ITGA6: variants seen among roughly 807,000 people sequenced by gnomAD.
ITGA6 encodes integrin subunit alpha 6.
Under a neutral mutation model 133.6 loss-of-function variants are expected in ITGA6, and 63 were observed. That is an observed-to-expected ratio of 0.47 (90% CI 0.38 to 0.58). The LOEUF is 0.58. Ranked by LOEUF, ITGA6 falls within the 20% of genes least tolerant of loss-of-function variation. The probability of loss-of-function intolerance (pLI) is 0.00; values close to 1 mark genes in which losing one functional copy is unlikely to be tolerated. For synonymous variants in ITGA6, 434 were observed against 482.0 expected, an observed-to-expected ratio of 0.90 and a Z score of 1.30; for missense variants, 1,068 against 1,309.4, an observed-to-expected ratio of 0.82 and a Z score of 2.85.
chr2:172,458,297 G>A (rs1453591482), intron 1 of ITGA6, among the ~76,000 whole-genome samples: 1 of 150,338 alleles, frequency 6.7e-6, no homozygotes, highest in Non-Finnish European at 1.5e-5. Flanking sequence ...CTGGAGTGCA[G>A]TAGTACAATC....
At chr2:172,498,858 A>G (rs181399065) in intron 24 of ITGA6, among the ~76,000 whole-genome samples, 8 of 152,312 alleles carry the variant, frequency 5.3e-5, no homozygotes, top group Admixed American at 2.0e-4. Flanking sequence ...AGTATATATA[A>G]TGACTTATTT....
In ITGA6 at chr2:172,504,822, C is replaced by T. The variant is rs1323388962; in HGVS notation, c.*754C>T. On this transcript the variant is annotated 3_prime_UTR_variant, in exon 26 of 26. Transcript: ENST00000684293. ...AATACCTGCTCACGTCAAATGCATACAAGTTTCATTCTCCCTTTCACTAAA... is the reference window on the plus strand; with the variant it reads ...AATACCTGCTCACGTCAAATGCATATAAGTTTCATTCTCCCTTTCACTAAA... 1 of 152,694 alleles carries T rather than the reference C, an allele frequency of 6.5e-6. No individual in the cohort carries two copies. Among genetic ancestry groups the T allele is most frequent in the Non-Finnish European group, 1.5e-5 (1 of 68,060 alleles). 9.5% of individuals were successfully genotyped at this position (152,694 alleles called of 1,614,324 possible).
At chr2:172,500,987 T>C (rs1687326426) in intron 24 of ITGA6, among the ~76,000 whole-genome samples, 1 of 152,172 alleles carries the variant, frequency 6.6e-6, no homozygotes, top group Non-Finnish European at 1.5e-5. Context: ...TTTCAGGAGA[T>C]TTTATTTGAC....
chr2:172,497,659 A>G (rs1474123115), intron 23 of ITGA6, among the ~76,000 whole-genome samples: 3 of 152,208 alleles, frequency 2.0e-5, no homozygotes. Context: ...CTGGAACAGG[A>G]TGATGAATAC....
intron 1 of ITGA6, among the ~76,000 whole-genome samples, chr2:172,442,942 A>G (rs897293737): frequency 6.6e-6 from 1 of 151,988 alleles, no homozygotes; most frequent in African/African-American, 2.4e-5. Flanking sequence ...CCTCGTGTCC[A>G]TGGACTGACC....
intron 1 of ITGA6, among the ~76,000 whole-genome samples, chr2:172,434,495 G>A (rs1684235870): frequency 6.6e-6 from 1 of 152,174 alleles, no homozygotes; most frequent in Non-Finnish European, 1.5e-5. Flanking sequence ...TGTGGCAGCA[G>A]ACCCTCCCCA....
chr2:172,443,555 G>A (rs1684628517), intron 1 of ITGA6, among the ~76,000 whole-genome samples: 2 of 152,194 alleles, frequency 1.3e-5, no homozygotes, highest in South Asian at 2.1e-4. Flanking sequence ...CACAGGCTAC[G>A]CTATCAGTGG....
chr2:172,493,509 A>G (rs1231847573), intron 23 of ITGA6, among the ~76,000 whole-genome samples: 1 of 152,094 alleles, frequency 6.6e-6, no homozygotes, highest in Admixed American at 6.6e-5. Context: ...AGCTTACTAG[A>G]TACTTTATAC....
At chr2:172,492,161 G>T (rs576376537) in intron 23 of ITGA6, among the ~76,000 whole-genome samples, 5 of 152,314 alleles carry the variant, frequency 3.3e-5, no homozygotes, top group African/African-American at 1.2e-4. Flanking sequence ...CAGCTGAGGT[G>T]GGGTCTGCTT....
In ITGA6 at chr2:172,504,081, T is replaced by G. The variant is rs1395138180; in HGVS notation, c.*23-10T>G. On this transcript the variant is annotated splice_polypyrimidine_tract_variant and intron_variant, in intron 25 of 25. Coordinates refer to ENST00000684293, the MANE Select transcript of ITGA6 (RefSeq NM_000210.4). The stretch of plus-strand genomic sequence containing the variant: ...TAATTTGTTTCTCTTTCTCTTTCCC[T>G]CTTCTCTAGTGTGGATTCTTTAAAC... 6.4e-7 allele frequency: 1 copy of G among 1,558,956 alleles called. No individual in the cohort carries two copies. Among genetic ancestry groups the G allele is most frequent in the Admixed American group, 2.0e-5 (1 of 49,238 alleles).
chr2:172,501,990 TCC>T (rs1349985890), intron 25 of ITGA6, 89 bp downstream of exon 25: 45 of 1,149,630 alleles, frequency 3.9e-5, no homozygotes, highest in Non-Finnish European at 5.4e-5. Flanking sequence ...GCTATGTGTG[TCC>T]CATTAACAGA....
chr2:172,427,505 G>T (rs376150429), upstream of ITGA6: 1 of 941,998 alleles, frequency 1.1e-6, no homozygotes. Flanking sequence ...CCGCGGGCGC[G>T]CAAGGAGGGG....
chr2:172,461,724 G>A (rs1685434139), intron 1 of ITGA6, among the ~76,000 whole-genome samples: 1 of 152,216 alleles, frequency 6.6e-6, no homozygotes. Flanking sequence ...GGGCCTTGGA[G>A]GGAAAGGGAA....
intron 1 of ITGA6, among the ~76,000 whole-genome samples, chr2:172,454,673 A>C (rs1452712838): frequency 6.6e-6 from 1 of 152,156 alleles, no homozygotes; most frequent in Non-Finnish European, 1.5e-5. Flanking sequence ...GACCCTCCAG[A>C]CCTGCTGCTA....
intron 1 of ITGA6, among the ~76,000 whole-genome samples, chr2:172,455,824 T>TAC (rs1685184826): frequency 6.6e-6 from 1 of 152,176 alleles, no homozygotes; most frequent in South Asian, 2.1e-4. Flanking sequence ...TAACTTAAAG[T>TAC]ACACACACAC....
chr2:172,451,010 C>A (rs1312285007), intron 1 of ITGA6, among the ~76,000 whole-genome samples: 8 of 148,124 alleles, frequency 5.4e-5, no homozygotes, highest in Non-Finnish European at 1.5e-5. Flanking sequence ...CAAAAATTAG[C>A]TGGACGTGGG....
In ITGA6 at chr2:172,501,148, T is replaced by C. The variant is rs140751627; in HGVS notation, c.3115-624T>C. On this transcript the variant is annotated intron_variant, in intron 24 of 25. Coordinates refer to ENST00000684293, the MANE Select transcript of ITGA6 (RefSeq NM_000210.4). ...TTAGAGTGACCTAACCTGAGGAGCATTGGGTCCCTACCATTTAAGGGTTTT... is the reference window on the plus strand; with the variant it reads ...TTAGAGTGACCTAACCTGAGGAGCACTGGGTCCCTACCATTTAAGGGTTTT... Among the ~76,000 whole-genome samples the C allele has an allele frequency of 4.1e-4, 62 of 152,272 alleles. 1 individual carries two copies. Among genetic ancestry groups the C allele is most frequent in the Admixed American group, 9.8e-4 (15 of 15,302 alleles).
In ITGA6 at chr2:172,484,827, G is replaced by T; in HGVS notation, c.1595G>T (p.Gly532Val). The T allele has an allele frequency of 4.3e-6, 7 of 1,613,942 alleles. No individual in the cohort carries two copies. Among genetic ancestry groups the T allele is most frequent in the Middle Eastern group, 1.6e-4 (1 of 6,084 alleles). Residue 532 changes from glycine to valine, a missense_variant, in exon 12 of 26, where the codon GGG becomes GTG. Physicochemically the swap from Gly to Val is moderately radical, Grantham distance 109 (BLOSUM62 -3). This residue lies in a region of ITGA6 where 609 missense variants were observed against 707.2 expected (regional missense o/e 0.86). Transcript: ENST00000684293. ...LEAEKERRKS[G>V]LSSRVQFRNQ... Reference sequence around the variant, plus strand: ...GCTGAAAAAGAAAGAAGAAAATCTGGGCTATCCTCAAGAGTTCAGTTTCGA... The same window carrying T: ...GCTGAAAAAGAAAGAAGAAAATCTGTGCTATCCTCAAGAGTTCAGTTTCGA...
intron 1 of ITGA6, among the ~76,000 whole-genome samples, chr2:172,440,020 C>T (rs1331662953): frequency 6.6e-6 from 1 of 152,138 alleles, no homozygotes; most frequent in African/African-American, 2.4e-5. Context: ...TCCAAATGAC[C>T]ATAGCACATT....
Sources: allele counts gnomAD v4.1 joint callset (sites outside exome capture counted in the v4.1 genomes callset), GRCh38; gene constraint gnomAD v4.1.1; regional missense constraint gnomAD v4.1.1; transcripts MANE v1.5; gene names NCBI Gene and HGNC (gene_info 2026-07-23, HGNC 2026-07-21).